The following STAU1 variants were observed in gnomAD, a reference collection of about 807,000 sequenced individuals.
STAU1 encodes the protein double-stranded RNA-binding protein Staufen homolog 1.
In STAU1, 13 loss-of-function variants were observed where a neutral mutation model predicts 62.9. The ratio of observed to expected loss-of-function variants is 0.21; its 90% CI spans 0.13 to 0.33. The LOEUF (loss-of-function observed/expected upper bound fraction) is 0.33, where lower values mean the gene tolerates loss of function less well. STAU1 is among the 10% of genes least tolerant of loss of function. STAU1 has a pLI of 1.00. For missense variants in STAU1, 571 were observed against 712.1 expected (o/e 0.80, Z 2.25); for synonymous variants, 269 against 265.1 (o/e 1.01, Z -0.14).
intron 12 of STAU1, 106 bp from the exon 13 acceptor site, chr20:49,115,973 G>A (rs2092313301): frequency 3.6e-6 from 3 of 828,506 alleles, no homozygotes; most frequent in Middle Eastern, 2.4e-4. Context: ...GCAAACAGGT[G>A]GCAACTTCTT....
intron 6 of STAU1, among the ~76,000 whole-genome samples, chr20:49,132,694 G>C (rs1600667242): frequency 6.6e-6 from 1 of 152,260 alleles, no homozygotes; most frequent in East Asian, 1.9e-4. Context: ...AGGAGGTGGA[G>C]GTTGCCATAA....
chr20:49,211,988 G>GT, the STAU1 span, among the ~76,000 whole-genome samples: 2 of 151,966 alleles, frequency 1.3e-5, no homozygotes, highest in Non-Finnish European at 2.9e-5. Flanking sequence ...ATGAACAGTT[G>GT]GTTTTTTTGT....
chr20:49,201,578 C>G, the STAU1 span, among the ~76,000 whole-genome samples: 1 of 151,778 alleles, frequency 6.6e-6, no homozygotes, highest in Non-Finnish European at 1.5e-5. Flanking sequence ...ACCATCTCTA[C>G]TAAAAATATA....
chr20:49,124,285 C>T (rs1236310971), intron 7 of STAU1, 90 bp downstream of exon 7: 1 of 1,410,918 alleles, frequency 7.1e-7, no homozygotes, highest in Non-Finnish European at 9.8e-7. Flanking sequence ...GTCTCATCCC[C>T]TTTCACCTTG....
the STAU1 span, among the ~76,000 whole-genome samples, chr20:49,195,562 G>GAA: frequency 4.2e-5 from 2 of 47,494 alleles, no homozygotes; most frequent in African/African-American, 1.6e-4. Context: ...AAAAAAAAAA[G>GAA]ATAGCAACAG....
chr20:49,118,468 A>G, intron 9 of STAU1, 60 bp from the exon 10 acceptor site: 1 of 1,317,356 alleles, frequency 7.6e-7, no homozygotes, highest in South Asian at 1.3e-5. Flanking sequence ...CTGAAAAATT[A>G]GCTCCTGCTG....
At chr20:49,188,649 C>T (rs2093821570), upstream of STAU1, among the ~76,000 whole-genome samples, 2 of 152,240 alleles carry the variant, frequency 1.3e-5, no homozygotes, top group Admixed American at 1.3e-4. Flanking sequence ...AGCCTACCTT[C>T]TTTCCTCCTC....
chr20:49,118,281 T>C, intron 10 of STAU1, 52 bp downstream of exon 10: 3 of 1,546,050 alleles, frequency 1.9e-6, no homozygotes, highest in East Asian at 2.2e-5. Context: ...TCAGGACCCA[T>C]GCAAATCCCA....
At chr20:49,206,736 TATATATATATA>T in the STAU1 span, among the ~76,000 whole-genome samples, 2 of 136,498 alleles carry the variant, frequency 1.5e-5, no homozygotes, top group African/African-American at 5.6e-5. Flanking sequence ...TATATATATA[TATATATATATA>T]TATATTTTAT....
chr20:49,159,652 C>T (rs1275289008), intron 3 of STAU1, among the ~76,000 whole-genome samples: 3 of 152,170 alleles, frequency 2.0e-5, no homozygotes, highest in African/African-American at 7.2e-5. Context: ...CCCCCACCTC[C>T]CAGGTTCAGG....
chr20:49,190,673 A>G (rs896204054), upstream of STAU1, among the ~76,000 whole-genome samples: 1 of 152,140 alleles, frequency 6.6e-6, no homozygotes, highest in African/African-American at 2.4e-5. Flanking sequence ...CTATCAGTCA[A>G]GTTCTCTTCC....
At chr20:49,135,782 A>T in intron 6 of STAU1, 51 bp downstream of exon 6, 1 of 1,380,206 alleles carries the variant, frequency 7.2e-7, no homozygotes, top group Non-Finnish European at 1.0e-6. Context: ...TCTTATGATG[A>T]ATGCTAACAG....
chr20:49,189,926 A>G (rs759026495), upstream of STAU1, among the ~76,000 whole-genome samples: 5 of 152,176 alleles, frequency 3.3e-5, no homozygotes, highest in Admixed American at 6.6e-5. Flanking sequence ...GAAGCCTGGG[A>G]GGACACTTGC....
upstream of STAU1, among the ~76,000 whole-genome samples, chr20:49,191,223 C>T (rs909849522): frequency 1.3e-5 from 2 of 151,916 alleles, no homozygotes; most frequent in African/African-American, 2.4e-5. Context: ...GACGGGGTTT[C>T]GCCATGTTGG....
chr20:49,148,818 G>C (rs2093181183), intron 5 of STAU1, among the ~76,000 whole-genome samples: 2 of 152,204 alleles, frequency 1.3e-5, no homozygotes, highest in African/African-American at 4.8e-5. Flanking sequence ...AACACCAACA[G>C]GCACTTATCC....
intron 6 of STAU1, among the ~76,000 whole-genome samples, chr20:49,127,286 G>A (rs950157069): frequency 3.3e-5 from 5 of 152,106 alleles, no homozygotes; most frequent in Non-Finnish European, 5.9e-5. Context: ...CCCAGGAGAC[G>A]GAGGTTGCAG....
intron 3 of STAU1, among the ~76,000 whole-genome samples, chr20:49,156,684 AGT>A (rs2093362411): frequency 1.3e-5 from 2 of 152,166 alleles, no homozygotes; most frequent in Admixed American, 1.3e-4. Context: ...AGAAATGAAA[AGT>A]GTGAGCTCTC....
intron 1 of STAU1, among the ~76,000 whole-genome samples, chr20:49,177,015 G>A (rs961980873): frequency 1.5e-4 from 23 of 151,342 alleles, no homozygotes; most frequent in Non-Finnish European, 2.9e-4. Flanking sequence ...GGGTTCAAGC[G>A]ATTCTCCTGC....
At chr20:49,126,688 T>G (rs1321516265) in intron 6 of STAU1, among the ~76,000 whole-genome samples, 1 of 149,650 alleles carries the variant, frequency 6.7e-6, no homozygotes, top group Non-Finnish European at 1.5e-5. Context: ...AAACTTCCTA[T>G]AAAGTCACAA....
Sources: allele counts gnomAD v4.1 joint callset (sites outside exome capture counted in the v4.1 genomes callset), GRCh38; gene constraint gnomAD v4.1.1; transcripts MANE v1.5; gene names NCBI Gene and HGNC (gene_info 2026-07-23, HGNC 2026-07-21).